Variants in CTNNA2 observed in about 807,000 individuals in gnomAD.
CTNNA2 encodes the protein catenin alpha 2.
In CTNNA2, 42 loss-of-function variants were observed where a neutral mutation model predicts 101.0. The ratio of observed to expected loss-of-function variants is 0.42; its 90% CI spans 0.32 to 0.54. CTNNA2 has a LOEUF of 0.54. CTNNA2 is among the 20% of genes least tolerant of loss of function. The pLI is 0.14. For synonymous variants in CTNNA2, 450 were observed against 456.4 expected (o/e 0.99, Z 0.18); for missense variants, 871 against 1,223.1 (o/e 0.71, Z 4.29).
intron 9 of CTNNA2, among the ~76,000 whole-genome samples, chr2:80,482,169 T>C (rs577496411): frequency 3.9e-5 from 6 of 152,200 alleles, no homozygotes; most frequent in Non-Finnish European, 8.8e-5. Context: ...AATCTGGTGA[T>C]CCAATCCTCC....
At chr2:79,242,157 C>T (rs778254223) in intron 2 of CTNNA2, among the ~76,000 whole-genome samples, 24 of 152,070 alleles carry the variant, frequency 1.6e-4, no homozygotes, top group African/African-American at 2.7e-4. Flanking sequence ...CCACCCGCCT[C>T]GGCCTCCCAA....
chr2:80,378,744 T>G (rs1266875734), intron 7 of CTNNA2: 1 of 152,196 alleles, frequency 6.6e-6, no homozygotes, highest in East Asian at 1.9e-4. Context: ...CTTGCCTTTT[T>G]CATCAGGGCT....
chr2:79,959,124 T>C (rs894849062), intron 7 of CTNNA2, among the ~76,000 whole-genome samples: 2 of 150,178 alleles, frequency 1.3e-5, no homozygotes, highest in Non-Finnish European at 3.0e-5. Context: ...CACAGCTCAC[T>C]GTAGCCCTGC....
In CTNNA2 at chr2:79,316,191, T is replaced by A. The variant is rs7601704; in HGVS notation, c.-318+3395T>A. 3.6e-3 allele frequency among the ~76,000 whole-genome samples: 546 copies of A among 152,190 alleles called. 3 individuals carry two copies. Among genetic ancestry groups the A allele is most frequent in the African/African-American group, 0.013 (523 of 41,558 alleles). ...GATATCAGGATGTCCCAGCACCATT[T>A]ATTGAAAATATAATTATTTCCCCAT... On this transcript the variant is annotated intron_variant, in intron 3 of 21. Coordinates refer to the CTNNA2 transcript ENST00000466387.
intron 4 of CTNNA2, among the ~76,000 whole-genome samples, chr2:79,476,503 A>G (rs1671052974): frequency 6.6e-6 from 1 of 152,186 alleles, no homozygotes; most frequent in African/African-American, 2.4e-5. Context: ...GAACCCTACT[A>G]GTAAATGATA....
chr2:79,964,369 A>C (rs1451987607), intron 7 of CTNNA2, among the ~76,000 whole-genome samples: 1 of 152,222 alleles, frequency 6.6e-6, no homozygotes, highest in East Asian at 1.9e-4. Flanking sequence ...AATATTGCTT[A>C]AATTTATGAA....
intron 9 of CTNNA2, among the ~76,000 whole-genome samples, chr2:80,476,508 A>G (rs1442676515): frequency 2.0e-5 from 3 of 152,192 alleles, no homozygotes; most frequent in African/African-American, 7.2e-5. Flanking sequence ...AGAAGCAAAA[A>G]AAGCATTTTT....
chr2:80,545,230 C>G (rs930101742), intron 10 of CTNNA2, among the ~76,000 whole-genome samples, 156 bp downstream of exon 10: 4 of 152,172 alleles, frequency 2.6e-5, no homozygotes, highest in Non-Finnish European at 5.9e-5. Flanking sequence ...AAAGAATAAA[C>G]CATACCAGTC....
intron 13 of CTNNA2, among the ~76,000 whole-genome samples, chr2:80,578,375 T>C (rs1383030622): frequency 6.6e-6 from 1 of 152,170 alleles, no homozygotes; most frequent in Non-Finnish European, 1.5e-5. Flanking sequence ...ATTTATTCCT[T>C]TACCCTGTAA....
chr2:79,722,728 G>C (rs1362058698), intron 2 of CTNNA2, among the ~76,000 whole-genome samples: 1 of 152,166 alleles, frequency 6.6e-6, no homozygotes, highest in Non-Finnish European at 1.5e-5. Context: ...CATGAACTAT[G>C]TCTGTTTTGT....
intron 1 of CTNNA2, among the ~76,000 whole-genome samples, chr2:79,544,855 G>A (rs1015050342): frequency 2.0e-5 from 3 of 152,106 alleles, no homozygotes; most frequent in African/African-American, 4.8e-5. Context: ...GACTTTGGAA[G>A]AGGAAGCAAG....
intron 7 of CTNNA2, among the ~76,000 whole-genome samples, chr2:79,956,460 A>G (rs1271145710): frequency 6.6e-6 from 1 of 152,174 alleles, no homozygotes. Context: ...AAGTGCTTTC[A>G]TACAACTTTT....
chr2:80,247,003 T>C (rs1040996640), intron 7 of CTNNA2, among the ~76,000 whole-genome samples: 1 of 152,174 alleles, frequency 6.6e-6, no homozygotes, highest in Non-Finnish European at 1.5e-5. Flanking sequence ...TTCGGATCTT[T>C]GGTGACCATC....
intron 4 of CTNNA2, among the ~76,000 whole-genome samples, chr2:79,477,077 C>T (rs1186176724): frequency 2.6e-5 from 4 of 152,050 alleles, no homozygotes; most frequent in Non-Finnish European, 5.9e-5. Flanking sequence ...AGGGACAAAT[C>T]TATCATCTCC....
At chr2:80,535,046 T>A (rs922434813) in intron 9 of CTNNA2, among the ~76,000 whole-genome samples, 2 of 152,182 alleles carry the variant, frequency 1.3e-5, no homozygotes, top group African/African-American at 4.8e-5. Flanking sequence ...CGGGTTGAAA[T>A]AAGCAGTGAC....
At chr2:79,844,659 C>T (rs1680065437) in intron 3 of CTNNA2, among the ~76,000 whole-genome samples, 1 of 152,036 alleles carries the variant, frequency 6.6e-6, no homozygotes, top group Admixed American at 6.6e-5. Context: ...AAATGGGGCC[C>T]AACAGAGAGG....
At chr2:79,451,621 C>G (rs1250213122) in intron 4 of CTNNA2, among the ~76,000 whole-genome samples, 1 of 151,886 alleles carries the variant, frequency 6.6e-6, no homozygotes, top group African/African-American at 2.4e-5. Flanking sequence ...ACTGGGAGAA[C>G]CAGCATTCCT....
At chr2:79,934,773 G>A (rs17018163) in intron 7 of CTNNA2, among the ~76,000 whole-genome samples, 2,081 of 152,322 alleles carry the variant, frequency 0.014, 54 homozygotes, top group African/African-American at 0.048. Flanking sequence ...ACCCTTTGGT[G>A]TAATGAAAGA....
chr2:79,338,575 A>ATCT (rs1239699778), intron 3 of CTNNA2, among the ~76,000 whole-genome samples: 15,302 of 114,564 alleles, frequency 0.13, 1,387 homozygotes, highest in Non-Finnish European at 0.15. Flanking sequence ...CTTCCTCCTC[A>ATCT]TCATCTTCTT....
Sources: gnomAD v4.1 joint callset for allele counts (sites outside exome capture counted in the v4.1 genomes callset) on GRCh38, gnomAD v4.1.1 for gene constraint, MANE v1.5 for transcripts, NCBI Gene and HGNC (gene_info 2026-07-23, HGNC 2026-07-21) for gene names.